The following P3H2 variants were observed in gnomAD, a reference collection of about 807,000 sequenced individuals.
P3H2 encodes leprecan-like 1.
A neutral mutation model predicts 87.0 loss-of-function variants in P3H2; 80 were observed. The ratio of observed to expected loss-of-function variants is 0.92; its 90% CI spans 0.77 to 1.11. The LOEUF is 1.11. Ranked by LOEUF, P3H2 falls within the 50% of genes least tolerant of loss-of-function variation. The pLI is 0.00. For missense variants in P3H2, 1,001 were observed against 923.9 expected, an observed-to-expected ratio of 1.08 and a Z score of -1.08; for synonymous variants, 367 against 359.3, an observed-to-expected ratio of 1.02 and a Z score of -0.24.
intron 1 of P3H2, among the ~76,000 whole-genome samples, chr3:190,024,776 A>G (rs1003905380): frequency 6.6e-6 from 1 of 152,132 alleles, no homozygotes; most frequent in African/African-American, 2.4e-5. Flanking sequence ...AGAATATAAA[A>G]AGAGGATTTC....
At chr3:190,008,285 T>C (rs1381461298) in intron 1 of P3H2, among the ~76,000 whole-genome samples, 1 of 151,630 alleles carries the variant, frequency 6.6e-6, no homozygotes, top group East Asian at 1.9e-4. Flanking sequence ...AAATTAAGAG[T>C]CTACCATTTT....
intron 1 of P3H2, among the ~76,000 whole-genome samples, chr3:190,046,234 A>G (rs1005842526): frequency 4.6e-5 from 7 of 151,998 alleles, no homozygotes; most frequent in African/African-American, 1.2e-4. Context: ...CTTGCAGTAC[A>G]TCTCTTGTGA....
Position 190,120,418 on chromosome 3 carries a change from G to A in P3H2, c.314C>T (p.Ala105Val). Residue 105 changes from alanine to valine, a missense_variant, in exon 1 of 15, where the codon GCT becomes GTT. By Grantham distance (64) the Ala-to-Val change is moderately conservative. Coordinates refer to ENST00000319332, the MANE Select transcript of P3H2 (RefSeq NM_018192.4). ...PPPPPGEGPG[A>V]ELPLFRSLLG... ...CAAGGAGCGGAAAAGGGGCAGCTCAGCGCCGGGGCCCTCGCCGGGGGGCGG... is the reference window on the plus strand; with the variant it reads ...CAAGGAGCGGAAAAGGGGCAGCTCAACGCCGGGGCCCTCGCCGGGGGGCGG... 6.7e-7 allele frequency: 1 copy of A among 1,485,110 alleles called. No homozygotes were observed. The highest frequency in any genetic ancestry group is 8.9e-7 in the Non-Finnish European group (1 of 1,125,294). 92.0% of individuals were successfully genotyped at this position (1,485,110 alleles called of 1,614,324 possible).
chr3:190,087,452 G>A (rs1727257279), intron 1 of P3H2, among the ~76,000 whole-genome samples: 1 of 149,836 alleles, frequency 6.7e-6, no homozygotes, highest in Non-Finnish European at 1.5e-5. Context: ...GCTGAGGCAG[G>A]AGAATGGCGT....
chr3:190,008,919 G>A (rs1166484525), intron 1 of P3H2, among the ~76,000 whole-genome samples: 1 of 151,986 alleles, frequency 6.6e-6, no homozygotes, highest in African/African-American at 2.4e-5. Context: ...TTAAGTAAGG[G>A]CCCTTAAGAG....
At chr3:190,001,233 G>GT (rs1204610584) in intron 1 of P3H2, among the ~76,000 whole-genome samples, 8 of 152,172 alleles carry the variant, frequency 5.3e-5, no homozygotes, top group African/African-American at 1.9e-4. Flanking sequence ...AGAACAACTT[G>GT]TAAGGCACGT....
At chr3:189,997,591 G>T (rs1724089348) in intron 1 of P3H2, among the ~76,000 whole-genome samples, 1 of 152,122 alleles carries the variant, frequency 6.6e-6, no homozygotes, top group Non-Finnish European at 1.5e-5. Context: ...AACATAAACT[G>T]CCCTGTTTTA....
intron 1 of P3H2, among the ~76,000 whole-genome samples, chr3:190,013,126 G>C (rs1474962711): frequency 2.6e-5 from 4 of 152,178 alleles, no homozygotes. Context: ...TAGGCACACA[G>C]GGCATGGATG....
In P3H2 at chr3:189,971,907, G is replaced by A. The variant is rs114217732; in HGVS notation, c.1800C>T (p.Tyr600=). 77 of 1,605,658 alleles carry A rather than the reference G, an allele frequency of 4.8e-5. 2 individuals carry two copies. The East Asian group carries it at 1.3e-3, about 27-fold the overall frequency. Reference sequence around the variant, plus strand: ...AGCTATACCTATAGTCTCGAAATGTGTAAGCAGGAGGCTCCTTCCAGCATT... The same window carrying A: ...AGCTATACCTATAGTCTCGAAATGTATAAGCAGGAGGCTCCTTCCAGCATT... The part of the protein sequence containing the change: ...ANECWKEPPA[Y]TFRDYSALLY... Residue 600 remains tyrosine, a synonymous_variant, in exon 12 of 15, where the codon TAC becomes TAT. Coordinates refer to ENST00000319332, the MANE Select transcript of P3H2 (RefSeq NM_018192.4).
At chr3:190,061,770 A>G (rs1726339399) in intron 1 of P3H2, among the ~76,000 whole-genome samples, 1 of 152,120 alleles carries the variant, frequency 6.6e-6, no homozygotes. Context: ...TTCAAAAGAA[A>G]GAGGTCATGA....
At chr3:190,012,544 T>TCC (rs1724627523) in intron 1 of P3H2, among the ~76,000 whole-genome samples, 1 of 152,226 alleles carries the variant, frequency 6.6e-6, no homozygotes, top group East Asian at 1.9e-4. Flanking sequence ...TGATGAATTT[T>TCC]GTCTCAGTTC....
At chr3:189,990,583 T>C (rs1273207058) in intron 3 of P3H2, among the ~76,000 whole-genome samples, 1 of 152,178 alleles carries the variant, frequency 6.6e-6, no homozygotes, top group African/African-American at 2.4e-5. Flanking sequence ...GAGCTAGTAA[T>C]AAATAACTGC....
At chr3:189,962,108 G>A (rs1307830923) in intron 14 of P3H2, among the ~76,000 whole-genome samples, 1 of 151,232 alleles carries the variant, frequency 6.6e-6, no homozygotes, top group Admixed American at 6.6e-5. Context: ...AGGTTTTCAG[G>A]ACTCTGTGCT....
In P3H2 at chr3:190,079,776, C is replaced by G. The variant is rs114910231; in HGVS notation, c.480+40476G>C. Among the ~76,000 whole-genome samples the G allele has an allele frequency of 4.8e-4, 73 of 152,310 alleles. 1 individual carries two copies. Among genetic ancestry groups the G allele is most frequent in the African/African-American group, 1.8e-3 (73 of 41,574 alleles). The stretch of plus-strand genomic sequence containing the variant: ...AGCTGTATATTACAGTGGTGAGAAC[C>G]TTTACCTCAAAGCAGATAGAACTGA... On this transcript the variant is annotated intron_variant, in intron 1 of 14. Transcript: ENST00000319332.
At chr3:190,010,782 T>C (rs1215046415) in intron 1 of P3H2, among the ~76,000 whole-genome samples, 5 of 152,322 alleles carry the variant, frequency 3.3e-5, no homozygotes, top group Middle Eastern at 3.4e-3. Flanking sequence ...GTAGCTTCAT[T>C]TGCAATTGAG....
At chr3:190,008,386 G>T (rs566191641) in intron 1 of P3H2, among the ~76,000 whole-genome samples, 1 of 151,986 alleles carries the variant, frequency 6.6e-6, no homozygotes, top group African/African-American at 2.4e-5. Context: ...CCAGAATAAC[G>T]CAAATTAAAG....
chr3:190,097,404 G>A (rs1727620602), intron 1 of P3H2, among the ~76,000 whole-genome samples: 3 of 152,072 alleles, frequency 2.0e-5, no homozygotes, highest in Non-Finnish European at 4.4e-5. Context: ...CAATAAAGAA[G>A]TCAATAAGAG....
Position 189,973,960 on chromosome 3 carries a change from G to A in P3H2, c.1497C>T (p.Pro499=), listed in dbSNP as rs776570466. ...VGDGYRGKTS[P]HTPNEKFEGA... ...CTTCAAACTTTTCATTGGGTGTATG[G>A]GGTGAAGTTTTTCCTCTGTATCCAT... Residue 499 remains proline, a synonymous_variant, in exon 10 of 15, where the codon CCC becomes CCT. Transcript: ENST00000319332. 5 of 1,614,054 alleles carry A rather than the reference G, an allele frequency of 3.1e-6. No homozygotes were observed. The Admixed American group carries it at 8.3e-5, about 27-fold the overall frequency.
chr3:189,998,942 C>T (rs546731489), intron 1 of P3H2, among the ~76,000 whole-genome samples: 2 of 152,276 alleles, frequency 1.3e-5, no homozygotes, highest in East Asian at 1.9e-4. Flanking sequence ...GTTGGCACTC[C>T]TATGAGAACC....
Sources: gnomAD v4.1 joint callset for allele counts (sites outside exome capture counted in the v4.1 genomes callset) on GRCh38, gnomAD v4.1.1 for gene constraint, MANE v1.5 for transcripts, NCBI Gene and HGNC (gene_info 2026-07-23, HGNC 2026-07-21) for gene names.